The following IVD variants were observed in gnomAD, a reference collection of about 807,000 sequenced individuals.
IVD encodes the protein isovaleryl-CoA dehydrogenase, mitochondrial.
In IVD, 31 loss-of-function variants were observed where a neutral mutation model predicts 51.3. That is an observed-to-expected ratio of 0.60 (90% CI 0.45 to 0.81). The LOEUF is 0.81. Among genes scored for constraint, IVD ranks in the 40% least tolerant of loss-of-function variants. The pLI, the probability that IVD is intolerant of heterozygous loss-of-function variation, is 0.00. For missense variants in IVD, 475 were observed against 552.0 expected, an observed-to-expected ratio of 0.86 and a Z score of 1.40; for synonymous variants, 205 against 219.4, an observed-to-expected ratio of 0.93 and a Z score of 0.58.
chr15:40,433,222 C>T (rs142371731), intron 7 of IVD, among the ~76,000 whole-genome samples: 3 of 152,250 alleles, frequency 2.0e-5, no homozygotes, highest in East Asian at 3.9e-4. Flanking sequence ...TGGAGCCACT[C>T]CAAGCCTATG....
intron 9 of IVD, among the ~76,000 whole-genome samples, 196 bp from the exon 10 acceptor site, chr15:40,415,882 A>T (rs1362314410): frequency 6.6e-6 from 1 of 152,222 alleles, no homozygotes; most frequent in East Asian, 1.9e-4. Context: ...TCGGGGTGTC[A>T]TGCGGGCTGT....
intron 8 of IVD, 173 bp from the exon 9 acceptor site, chr15:40,415,228 C>T: frequency 1.4e-6 from 1 of 740,048 alleles, no homozygotes; most frequent in Non-Finnish European, 2.3e-6. Context: ...TGAAACGACA[C>T]CTGGGCTGTC....
At chr15:40,411,236 G>T in intron 4 of IVD, 24 bp from the exon 5 acceptor site, 1 of 1,611,994 alleles carries the variant, frequency 6.2e-7, no homozygotes, top group South Asian at 1.1e-5. Flanking sequence ...TTGTAACAAG[G>T]CCTGTTGGGG....
Position 40,432,903 on chromosome 15 carries a change from G to A in IVD, c.720-951G>A, listed in dbSNP as rs573290424. Among the ~76,000 whole-genome samples, 3 of 152,350 alleles carry A rather than the reference G, an allele frequency of 2.0e-5. No individual in the cohort carries two copies. The South Asian group carries it at 6.2e-4, about 32-fold the overall frequency. ...CAGAGCTCCAGATGGGAGACAAGGA[G>A]TACAAAACAGAGGTGGAAGACTGAT... On this transcript the variant is annotated intron_variant, in intron 7 of 8. Coordinates refer to the IVD transcript ENST00000473112.
downstream of IVD, among the ~76,000 whole-genome samples, chr15:40,425,250 G>A (rs1892599426): frequency 6.6e-6 from 1 of 151,986 alleles, no homozygotes; most frequent in Admixed American, 6.6e-5. Context: ...TACCCAACAC[G>A]CAGGTCAATG....
At chr15:40,417,229 C>A (rs1478874976) in intron 11 of IVD, among the ~76,000 whole-genome samples, 1 of 144,430 alleles carries the variant, frequency 6.9e-6, no homozygotes, top group African/African-American at 2.6e-5. Context: ...AAAAAAAGGC[C>A]GGGCACGGTG....
At chr15:40,434,506 A>G (rs1185656638) in intron 8 of IVD, among the ~76,000 whole-genome samples, 1 of 152,240 alleles carries the variant, frequency 6.6e-6, no homozygotes, top group Non-Finnish European at 1.5e-5. Context: ...TGTTAAAGCC[A>G]TAGGCCTGCC....
intron 8 of IVD, chr15:40,435,406 C>A: frequency 8.9e-7 from 1 of 1,129,730 alleles, no homozygotes; most frequent in Non-Finnish European, 1.1e-6. Context: ...AGAGGGCTCT[C>A]TTTCCCCTAG....
downstream of IVD, among the ~76,000 whole-genome samples, chr15:40,426,454 C>G (rs2141415143): frequency 6.6e-6 from 1 of 151,636 alleles, no homozygotes; most frequent in Admixed American, 6.6e-5. Flanking sequence ...ACAAGAATAG[C>G]TAGAACCTGG....
intron 6 of IVD, 131 bp downstream of exon 6, chr15:40,411,822 C>T (rs1321655913): frequency 2.7e-6 from 3 of 1,122,776 alleles, no homozygotes; most frequent in Admixed American, 4.0e-5. Flanking sequence ...GGGGGTGAGG[C>T]AGAGAGCAGA....
At position 40,416,064 on chromosome 15, in the gene IVD, C is replaced by T; in HGVS notation, c.961-14C>T. On this transcript the variant is annotated splice_polypyrimidine_tract_variant and intron_variant, in intron 9 of 11. Transcript: ENST00000487418. ...GTTCCAGCATGTTGACCTGTGACAT[C>T]CCTTTGTGCCCAGTTGATGCAGGGG... 5 of 1,613,072 alleles carry T rather than the reference C, an allele frequency of 3.1e-6. No individual in the cohort carries two copies. Among genetic ancestry groups the T allele is most frequent in the Non-Finnish European group, 3.4e-6 (4 of 1,179,002 alleles).
downstream of IVD, among the ~76,000 whole-genome samples, chr15:40,425,920 C>T (rs1411451207): frequency 6.6e-6 from 1 of 151,914 alleles, no homozygotes; most frequent in East Asian, 1.9e-4. Context: ...AGTGATTCTC[C>T]CACTTCAGTC....
chr15:40,429,274 C>T (rs747945654), downstream of IVD, among the ~76,000 whole-genome samples: 95 of 152,264 alleles, frequency 6.2e-4, 1 homozygote, highest in Admixed American at 1.4e-3. Flanking sequence ...TCAGCCCACA[C>T]GAGTGACCTG....
downstream of IVD, chr15:40,435,788 G>A: frequency 3.5e-6 from 3 of 852,886 alleles, no homozygotes; most frequent in Non-Finnish European, 4.2e-6. Context: ...ATGGCAGCCT[G>A]CCCGAAGAGT....
At chr15:40,424,221 G>C, downstream of IVD, 1 of 1,285,150 alleles carries the variant, frequency 7.8e-7, no homozygotes. Flanking sequence ...GCACCTGTAA[G>C]ATCTAAGGCT....
At chr15:40,416,213 G>A (rs755056672) in intron 10 of IVD, 31 bp downstream of exon 10, 2 of 1,612,372 alleles carry the variant, frequency 1.2e-6, no homozygotes, top group East Asian at 4.5e-5. Context: ...GGGAGAGGCG[G>A]GGGCAGTGGA....
chr15:40,432,461 T>G (rs1184596074), intron 7 of IVD, among the ~76,000 whole-genome samples: 2 of 152,234 alleles, frequency 1.3e-5, no homozygotes, highest in African/African-American at 4.8e-5. Context: ...CATGGTTGGT[T>G]AACACCATAC....
chr15:40,417,969 G>T (rs927971052), intron 11 of IVD, among the ~76,000 whole-genome samples, 161 bp from the exon 12 acceptor site: 5 of 152,140 alleles, frequency 3.3e-5, no homozygotes, highest in Non-Finnish European at 7.4e-5. Flanking sequence ...GGATAAGGAA[G>T]GACTAGTGTA....
intron 1 of IVD, chr15:40,406,488 A>G: frequency 1.9e-6 from 1 of 519,086 alleles, no homozygotes; most frequent in East Asian, 7.0e-5. Flanking sequence ...AAAGTTGAAC[A>G]AGTACTTGAA....
Sources: gnomAD v4.1 joint callset for allele counts (sites outside exome capture counted in the v4.1 genomes callset) on GRCh38, gnomAD v4.1.1 for gene constraint, MANE v1.5 for transcripts, NCBI Gene and HGNC (gene_info 2026-07-23, HGNC 2026-07-21) for gene names.